The following NPAS3 variants were observed in gnomAD, a reference collection of about 807,000 sequenced individuals.
NPAS3 encodes the protein neuronal PAS domain-containing protein 3.
In NPAS3, 14 loss-of-function variants were observed where a neutral mutation model predicts 73.1. That is an observed-to-expected ratio of 0.19 (90% CI 0.13 to 0.30). The LOEUF (loss-of-function observed/expected upper bound fraction) is 0.30. Ranked by LOEUF, NPAS3 falls within the 10% of genes least tolerant of loss-of-function variation. NPAS3 has a pLI of 1.00. For missense variants in NPAS3, 1,096 were observed against 1,250.0 expected, an observed-to-expected ratio of 0.88 and a Z score of 1.86; for synonymous variants, 620 against 541.5, an observed-to-expected ratio of 1.14 and a Z score of -2.01.
intron 4 of NPAS3, among the ~76,000 whole-genome samples, chr14:33,474,789 CTG>C (rs2050944329): frequency 6.6e-6 from 1 of 152,082 alleles, no homozygotes; most frequent in Non-Finnish European, 1.5e-5. Context: ...GTTTGGGTAA[CTG>C]TGATGAATTG....
intron 3 of NPAS3, among the ~76,000 whole-genome samples, chr14:33,312,040 G>A (rs1177596772): frequency 6.6e-6 from 1 of 152,114 alleles, no homozygotes; most frequent in Non-Finnish European, 1.5e-5. Context: ...GCTTTCCTTA[G>A]AACAACACTA....
intron 6 of NPAS3, among the ~76,000 whole-genome samples, chr14:33,683,833 G>C (rs1023007810): frequency 6.6e-6 from 1 of 152,184 alleles, no homozygotes; most frequent in African/African-American, 2.4e-5. Context: ...TATAGCTTTA[G>C]CAACAACGCT....
At chr14:33,799,691 T>C (rs1409010892) in intron 11 of NPAS3, 43 bp from the exon 12 acceptor site, 1 of 1,542,354 alleles carries the variant, frequency 6.5e-7, no homozygotes, top group Admixed American at 2.0e-5. Flanking sequence ...TTCTCTCTCT[T>C]CTCTCTCCGC....
At chr14:33,565,688 A>G (rs1340483565) in intron 5 of NPAS3, among the ~76,000 whole-genome samples, 2 of 152,176 alleles carry the variant, frequency 1.3e-5, no homozygotes, top group African/African-American at 4.8e-5. Context: ...ATGACATCCT[A>G]AAGAGCTGGA....
intron 4 of NPAS3, among the ~76,000 whole-genome samples, chr14:33,556,322 A>G (rs912645728): frequency 1.3e-5 from 2 of 152,230 alleles, no homozygotes; most frequent in African/African-American, 4.8e-5. Context: ...AAGGACAGAA[A>G]AGAATCCATT....
At chr14:33,600,465 A>G (rs894564091) in intron 5 of NPAS3, among the ~76,000 whole-genome samples, 4 of 152,220 alleles carry the variant, frequency 2.6e-5, no homozygotes, top group Non-Finnish European at 5.9e-5. Flanking sequence ...TGCTTGGCAT[A>G]GATTTGGGAT....
At chr14:33,491,244 T>A (rs557455314) in intron 4 of NPAS3, among the ~76,000 whole-genome samples, 1 of 144,898 alleles carries the variant, frequency 6.9e-6, no homozygotes, top group South Asian at 2.2e-4. Flanking sequence ...ACATTTAAAG[T>A]TTTTTTTTTT....
chr14:33,259,637 A>AT (rs1274645321), intron 3 of NPAS3, among the ~76,000 whole-genome samples: 2 of 152,172 alleles, frequency 1.3e-5, no homozygotes, highest in African/African-American at 4.8e-5. Flanking sequence ...TGTAAGTCAT[A>AT]TTTTAATAGA....
chr14:33,246,818 A>C (rs1275916564), intron 3 of NPAS3, among the ~76,000 whole-genome samples: 6 of 122,294 alleles, frequency 4.9e-5, no homozygotes, highest in African/African-American at 1.2e-4. Context: ...ACATGGTGAA[A>C]CCTCATCTCT....
chr14:33,687,195 G>A (rs1053661797), intron 6 of NPAS3, among the ~76,000 whole-genome samples: 41 of 152,152 alleles, frequency 2.7e-4, no homozygotes, highest in South Asian at 1.9e-3. Context: ...GACTGGAATC[G>A]ATGATGCCGT....
chr14:33,579,471 A>C (rs2056576648), intron 5 of NPAS3, among the ~76,000 whole-genome samples: 1 of 152,200 alleles, frequency 6.6e-6, no homozygotes, highest in Admixed American at 6.5e-5. Context: ...AACAAGAATA[A>C]TTATTCAGGC....
At chr14:33,373,420 GTT>G (rs1491035901) in intron 4 of NPAS3, among the ~76,000 whole-genome samples, 1 of 142,338 alleles carries the variant, frequency 7.0e-6, no homozygotes, top group Non-Finnish European at 1.5e-5. Context: ...GTGTGTGTGT[GTT>G]ACTAACTTTG....
rs376994089 is a variant in NPAS3 at position 33,120,075 on chromosome 14, C to T, written c.140+64081C>T. On this transcript the variant is annotated intron_variant, in intron 2 of 11. Coordinates refer to ENST00000356141, the Ensembl canonical transcript of NPAS3. ...GTTGGGTTCAAGTGATTCTCCCTGT[C>T]TCAGCCTCCCGACTAGCTGGGATTA... is the stretch of plus-strand genomic sequence containing the variant. 1.8e-4 allele frequency among the ~76,000 whole-genome samples: 28 copies of T among 151,940 alleles called. 1 individual carries two copies. Among genetic ancestry groups the T allele is most frequent in the Admixed American group, 1.5e-3 (23 of 15,254 alleles).
At chr14:33,039,692 G>C (rs894247145) in intron 1 of NPAS3, among the ~76,000 whole-genome samples, 4 of 152,190 alleles carry the variant, frequency 2.6e-5, no homozygotes, top group Admixed American at 2.0e-4. Flanking sequence ...TGATAACAAA[G>C]GCTTGATTTT....
intron 2 of NPAS3, among the ~76,000 whole-genome samples, chr14:33,110,318 A>G (rs556255618): frequency 6.6e-6 from 1 of 152,314 alleles, no homozygotes; most frequent in East Asian, 1.9e-4. Flanking sequence ...TTTTCCAAAG[A>G]GTGTTCTACT....
chr14:32,978,455 G>A (rs1049827069), intron 1 of NPAS3, among the ~76,000 whole-genome samples: 1 of 152,142 alleles, frequency 6.6e-6, no homozygotes, highest in African/African-American at 2.4e-5. Flanking sequence ...TACTGGCTGG[G>A]AACTTCTGTC....
chr14:33,774,279 G>C, intron 7 of NPAS3, 58 bp from the exon 8 acceptor site: 1 of 1,367,286 alleles, frequency 7.3e-7, no homozygotes, highest in Non-Finnish European at 1.0e-6. Flanking sequence ...CATAAGAAAT[G>C]CTGTTATATC....
intron 4 of NPAS3, among the ~76,000 whole-genome samples, chr14:33,544,820 A>T (rs889110511): frequency 0.04 from 3,880 of 98,144 alleles, 382 homozygotes; most frequent in Non-Finnish European, 0.05. Flanking sequence ...ATGTATATAT[A>T]ATATATATGT....
intron 2 of NPAS3, among the ~76,000 whole-genome samples, chr14:33,100,483 C>G (rs1224295605): frequency 1.3e-5 from 2 of 151,980 alleles, no homozygotes; most frequent in African/African-American, 4.8e-5. Context: ...AATAGAAAAG[C>G]CTACTTAGAC....
Sources: gnomAD v4.1 joint callset for allele counts (sites outside exome capture counted in the v4.1 genomes callset) on GRCh38, gnomAD v4.1.1 for gene constraint, MANE v1.5 for transcripts, NCBI Gene and HGNC (gene_info 2026-07-23, HGNC 2026-07-21) for gene names.